KIAA1958: variants seen among roughly 807,000 people sequenced by gnomAD.
KIAA1958 encodes KIAA1958.
KIAA1958 carries 14 observed loss-of-function variants against 47.2 expected under a neutral mutation model. The observed-to-expected ratio is 0.30, with a 90% CI of 0.20 to 0.46. KIAA1958 has a LOEUF of 0.46. Among genes scored for constraint, KIAA1958 ranks in the 20% least tolerant of loss-of-function variants. The probability of loss-of-function intolerance (pLI) is 1.00; values close to 1 mark genes in which losing one functional copy is unlikely to be tolerated. For synonymous variants in KIAA1958, 354 were observed against 353.3 expected, an observed-to-expected ratio of 1.00 and a Z score of -0.02; for missense variants, 803 against 909.2, an observed-to-expected ratio of 0.88 and a Z score of 1.50.
At chr9:112,640,485 G>A (rs1836873703) in intron 2 of KIAA1958, among the ~76,000 whole-genome samples, 1 of 152,106 alleles carries the variant, frequency 6.6e-6, no homozygotes, top group Non-Finnish European at 1.5e-5. Flanking sequence ...TCATTTTTCT[G>A]TGGTTTCATT....
At chr9:112,635,583 A>G (rs1224801868) in intron 2 of KIAA1958, among the ~76,000 whole-genome samples, 1 of 152,108 alleles carries the variant, frequency 6.6e-6, no homozygotes, top group African/African-American at 2.4e-5. Context: ...AGACTTTTCA[A>G]ACTTTCTTTC....
At chr9:112,511,135 T>C (rs886085660) in intron 1 of KIAA1958, among the ~76,000 whole-genome samples, 7 of 152,132 alleles carry the variant, frequency 4.6e-5, no homozygotes, top group Non-Finnish European at 1.5e-5. Context: ...ATTGGAGATT[T>C]GAAGAGATGT....
chr9:112,611,093 A>G (rs1222347513), intron 2 of KIAA1958, among the ~76,000 whole-genome samples: 1 of 152,184 alleles, frequency 6.6e-6, no homozygotes. Flanking sequence ...ATCCATATCA[A>G]TATATCTGTA....
At chr9:112,609,752 G>C (rs997028279) in intron 2 of KIAA1958, among the ~76,000 whole-genome samples, 2 of 151,968 alleles carry the variant, frequency 1.3e-5, no homozygotes, top group Admixed American at 1.3e-4. Context: ...AGGTCTCACT[G>C]TGTTGCCCAG....
At chr9:112,652,064 C>T (rs62575206) in intron 3 of KIAA1958, among the ~76,000 whole-genome samples, 12,836 of 152,152 alleles carry the variant, frequency 0.084, 688 homozygotes, top group Non-Finnish European at 0.12. Flanking sequence ...CAAGGTCTCA[C>T]TATGTTACCC....
intron 1 of KIAA1958, among the ~76,000 whole-genome samples, chr9:112,554,095 A>G (rs975388871): frequency 2.0e-5 from 3 of 152,204 alleles, no homozygotes; most frequent in Non-Finnish European, 2.9e-5. Context: ...CAAAAGAACT[A>G]CAGAAATTTC....
rs371908046 is a variant in KIAA1958 at position 112,659,575 on chromosome 9, A to G, written c.1657A>G (p.Ile553Val). Residue 553 changes from isoleucine to valine, a missense_variant, in exon 4 of 4, where the codon ATC (isoleucine) becomes GTC (valine). Around this residue, in one of 2 missense-constraint regions of KIAA1958, gnomAD observed 761 missense variants for 829.3 expected, o/e 0.92. Coordinates refer to ENST00000337530, the MANE Select transcript of KIAA1958 (RefSeq NM_133465.4). ...QAGCLGDDSP[I>V]TLLSTVVKYN... ...AGGGTGTCTGGGGGATGACAGCCCTATCACTCTCCTGTCCACTGTGGTCAA... is the reference window on the plus strand; with the variant it reads ...AGGGTGTCTGGGGGATGACAGCCCTGTCACTCTCCTGTCCACTGTGGTCAA... The G allele has an allele frequency of 2.5e-6, 4 of 1,613,304 alleles. No individual in the cohort carries two copies. The highest frequency in any genetic ancestry group is 1.7e-5 in the Admixed American group (1 of 59,920).
At chr9:112,587,047 C>T (rs1159763573) in intron 2 of KIAA1958, among the ~76,000 whole-genome samples, 1 of 152,218 alleles carries the variant, frequency 6.6e-6, no homozygotes, top group Admixed American at 6.5e-5. Flanking sequence ...TGATCCGCTT[C>T]ATTTTAGGTC....
rs1837324335 is a variant in KIAA1958 at position 112,664,429 on chromosome 9, A to G, written c.*4360A>G. The G allele has an allele frequency of 6.6e-6, 1 of 152,206 alleles. No individual in the cohort carries two copies. The highest frequency in any genetic ancestry group is 1.5e-5 in the Non-Finnish European group (1 of 68,040). 9.4% of individuals were successfully genotyped at this position (152,206 alleles called of 1,614,324 possible). On this transcript the variant is annotated 3_prime_UTR_variant, in exon 4 of 4. Transcript: ENST00000337530. ...TTGCTAAAAACTTTTGAGCTAGTAGACGTTACCTTTAAGCATCAATGAATG... is the reference window on the plus strand; with the variant it reads ...TTGCTAAAAACTTTTGAGCTAGTAGGCGTTACCTTTAAGCATCAATGAATG...
In KIAA1958 at chr9:112,538,128, C is replaced by T. The variant is rs557114985; in HGVS notation, c.-24-35929C>T. Among the ~76,000 whole-genome samples, 7 of 151,926 alleles carry T rather than the reference C, an allele frequency of 4.6e-5. No homozygotes were observed. The East Asian group carries it at 1.4e-3, about 29-fold the overall frequency. ...GGAGGGTATCTTGAGCCCAGGAGTT[C>T]GAGACTAGCCTGGGCAACATGGGGA... is the stretch of plus-strand genomic sequence containing the variant. On this transcript the variant is annotated intron_variant, in intron 1 of 3. Coordinates refer to ENST00000337530, the MANE Select transcript of KIAA1958 (RefSeq NM_133465.4).
intron 1 of KIAA1958, among the ~76,000 whole-genome samples, chr9:112,535,074 C>T (rs1477009181): frequency 1.3e-5 from 2 of 152,154 alleles, no homozygotes; most frequent in Non-Finnish European, 2.9e-5. Context: ...TAAGTAACAT[C>T]TCTATTACCT....
At chr9:112,640,929 A>G (rs74307737) in intron 2 of KIAA1958, among the ~76,000 whole-genome samples, 10,612 of 152,170 alleles carry the variant, frequency 0.07, 457 homozygotes, top group Non-Finnish European at 0.098. Flanking sequence ...GATAGATTGC[A>G]GGTGTTGGAT....
At chr9:112,520,452 A>G (rs1322367386) in intron 1 of KIAA1958, among the ~76,000 whole-genome samples, 1 of 152,232 alleles carries the variant, frequency 6.6e-6, no homozygotes, top group African/African-American at 2.4e-5. Context: ...GTGAGTGACT[A>G]TATTGGTCCT....
intron 2 of KIAA1958, among the ~76,000 whole-genome samples, chr9:112,585,302 A>C (rs1416551494): frequency 2.0e-5 from 3 of 152,244 alleles, no homozygotes; most frequent in Admixed American, 1.3e-4. Flanking sequence ...GAGGTGTATA[A>C]AATATAGCTG....
chr9:112,553,167 C>T (rs1417453280), intron 1 of KIAA1958, among the ~76,000 whole-genome samples: 2 of 141,698 alleles, frequency 1.4e-5, no homozygotes, highest in Non-Finnish European at 3.1e-5. Flanking sequence ...CTGCCCTCTC[C>T]CCTCTCCCCT....
At chr9:112,512,535 C>G (rs549936750) in intron 1 of KIAA1958, among the ~76,000 whole-genome samples, 1 of 152,148 alleles carries the variant, frequency 6.6e-6, no homozygotes, top group Non-Finnish European at 1.5e-5. Context: ...GAAACACCTA[C>G]AGCTAACTTC....
chr9:112,653,652 A>G (rs1462766038), intron 3 of KIAA1958, among the ~76,000 whole-genome samples: 6 of 152,074 alleles, frequency 3.9e-5, no homozygotes, highest in African/African-American at 1.4e-4. Flanking sequence ...TGTAATTCCA[A>G]CACTTTGGGA....
At chr9:112,528,244 C>G (rs951601139) in intron 1 of KIAA1958, among the ~76,000 whole-genome samples, 1 of 152,188 alleles carries the variant, frequency 6.6e-6, no homozygotes, top group Non-Finnish European at 1.5e-5. Flanking sequence ...CCTTGCCATT[C>G]AAGCACCAGT....
intron 3 of KIAA1958, among the ~76,000 whole-genome samples, chr9:112,647,551 C>G (rs775354869): frequency 7.2e-5 from 11 of 151,986 alleles, no homozygotes; most frequent in Non-Finnish European, 1.6e-4. Context: ...GATTTAGACA[C>G]GAAGGCCTTT....
Sources: allele counts gnomAD v4.1 joint callset (sites outside exome capture counted in the v4.1 genomes callset), GRCh38; gene constraint gnomAD v4.1.1; regional missense constraint gnomAD v4.1.1; transcripts MANE v1.5; gene names NCBI Gene and HGNC (gene_info 2026-07-23, HGNC 2026-07-21).